ZFAND3: variants seen among roughly 807,000 people sequenced by gnomAD.
The protein encoded by ZFAND3 is AN1-type zinc finger protein 3.
In ZFAND3, 10 loss-of-function variants were observed where a neutral mutation model predicts 29.6. That is an observed-to-expected ratio of 0.34 (90% CI 0.21 to 0.57). The LOEUF is 0.57. Among genes scored for constraint, ZFAND3 ranks in the 20% least tolerant of loss-of-function variants. The pLI, the probability that ZFAND3 is intolerant of heterozygous loss-of-function variation, is 0.86. For missense variants in ZFAND3, 230 were observed against 304.5 expected, an observed-to-expected ratio of 0.76 and a Z score of 1.82; for synonymous variants, 128 against 112.6, an observed-to-expected ratio of 1.14 and a Z score of -0.87.
chr6:37,960,583 T>C (rs948415703), intron 2 of ZFAND3, among the ~76,000 whole-genome samples: 1 of 152,186 alleles, frequency 6.6e-6, no homozygotes, highest in Non-Finnish European at 1.5e-5. Flanking sequence ...CTTAGAATCC[T>C]GTAGCTACCT....
intron 2 of ZFAND3, among the ~76,000 whole-genome samples, chr6:38,005,157 G>T (rs1763027097): frequency 6.6e-6 from 1 of 152,166 alleles, no homozygotes; most frequent in South Asian, 2.1e-4. Context: ...GAGAGTCTCT[G>T]ATAAATTTCT....
chr6:37,984,366 T>A (rs1762629856), intron 2 of ZFAND3, among the ~76,000 whole-genome samples: 1 of 152,198 alleles, frequency 6.6e-6, no homozygotes, highest in East Asian at 1.9e-4. Context: ...TGTCCAGGTT[T>A]CCCGTTGTAC....
intron 4 of ZFAND3, among the ~76,000 whole-genome samples, chr6:38,106,683 G>T (rs1165093685): frequency 6.7e-6 from 1 of 148,170 alleles, no homozygotes; most frequent in Admixed American, 6.7e-5. Flanking sequence ...CTAGTTGTTT[G>T]TGTGTGTGTG....
chr6:38,095,174 A>G lies in ZFAND3; in HGVS notation c.361+12717A>G, dbSNP rs12526732. Among the ~76,000 whole-genome samples, 1,002 of 152,240 alleles carry G rather than the reference A, an allele frequency of 6.6e-3. 49 individuals carry two copies. The highest frequency in any genetic ancestry group is 0.06 in the Admixed American group (920 of 15,294). On this transcript the variant is annotated intron_variant, in intron 4 of 5. Transcript: ENST00000287218. ...ATGCTAAGAATATATTTCTTTTTCT[A>G]TGGGTCTAATGAAAACAGTTAATGG...
intron 2 of ZFAND3, among the ~76,000 whole-genome samples, chr6:37,986,682 G>A (rs1036801047): frequency 5.3e-5 from 8 of 152,120 alleles, no homozygotes; most frequent in African/African-American, 7.2e-5. Flanking sequence ...AGTTCATTTA[G>A]TCTTCTTTCT....
At chr6:37,859,330 T>G (rs1364286704) in intron 1 of ZFAND3, among the ~76,000 whole-genome samples, 1 of 152,226 alleles carries the variant, frequency 6.6e-6, no homozygotes. Context: ...CTGGCACACT[T>G]TTGCTTAAAT....
At position 37,873,486 on chromosome 6, in the gene ZFAND3, A is replaced by G. The variant is rs560295840; in HGVS notation, c.71+53470A>G. On this transcript the variant is annotated intron_variant, in intron 1 of 5. Coordinates refer to ENST00000287218, the MANE Select transcript of ZFAND3 (RefSeq NM_021943.3). ...TTATGCGGTTGTGATTCTTGGATCT[A>G]TCGTTGAGAGTTGTATGAGGTATTT... 2.0e-3 allele frequency among the ~76,000 whole-genome samples: 301 copies of G among 152,306 alleles called. 2 individuals are homozygous for G. The highest frequency in any genetic ancestry group is 6.9e-3 in the African/African-American group (285 of 41,566).
At chr6:38,027,600 CTT>C (rs1177021617) in intron 2 of ZFAND3, among the ~76,000 whole-genome samples, 1 of 152,172 alleles carries the variant, frequency 6.6e-6, no homozygotes. Context: ...ACTTATCTAG[CTT>C]TCAGAAGCTC....
chr6:37,826,464 A>T (rs1763762597), intron 1 of ZFAND3, among the ~76,000 whole-genome samples: 6 of 152,150 alleles, frequency 3.9e-5, no homozygotes, highest in Admixed American at 2.6e-4. Context: ...CTTTATTTAC[A>T]GTGTCTTGGC....
intron 2 of ZFAND3, among the ~76,000 whole-genome samples, chr6:37,984,212 TAGAG>T (rs1295608115): frequency 6.6e-6 from 1 of 152,206 alleles, no homozygotes; most frequent in Non-Finnish European, 1.5e-5. Context: ...AATTGCAAGA[TAGAG>T]CATGAAATTT....
chr6:38,091,108 G>A (rs1490438915), intron 4 of ZFAND3, among the ~76,000 whole-genome samples: 1 of 152,170 alleles, frequency 6.6e-6, no homozygotes, highest in Admixed American at 6.5e-5. Flanking sequence ...CTAGTCAAGA[G>A]GAATTTTTGC....
intron 2 of ZFAND3, among the ~76,000 whole-genome samples, chr6:37,944,260 T>C (rs1761861777): frequency 6.6e-6 from 1 of 152,264 alleles, no homozygotes; most frequent in East Asian, 1.9e-4. Flanking sequence ...AACTAAAACG[T>C]CCAAAAACAC....
intron 1 of ZFAND3, among the ~76,000 whole-genome samples, chr6:37,892,713 G>A (rs981392419): frequency 6.6e-6 from 1 of 152,110 alleles, no homozygotes; most frequent in Non-Finnish European, 1.5e-5. Context: ...CATTTATATA[G>A]ATTGAACAAG....
intron 3 of ZFAND3, among the ~76,000 whole-genome samples, chr6:38,067,045 A>G (rs961734117): frequency 2.6e-5 from 4 of 152,252 alleles, no homozygotes; most frequent in African/African-American, 9.6e-5. Flanking sequence ...TTTAAATGCG[A>G]TAGTAATGGT....
Position 38,082,142 on chromosome 6 carries a change from G to GTTTT in ZFAND3, c.296-239_296-236dup, listed in dbSNP as rs771690113. On this transcript the variant is annotated intron_variant, in intron 3 of 5. Coordinates refer to ENST00000287218, the MANE Select transcript of ZFAND3 (RefSeq NM_021943.3). ...TGTTAACATTATGTGAGACTCGGCT[G>GTTTT]TTTTTTTTTTTTTTGTGTGTGAAAA... is the stretch of plus-strand genomic sequence containing the variant. Among the ~76,000 whole-genome samples the GTTTT allele has an allele frequency of 4.3e-3, 628 of 145,378 alleles. 2 individuals are homozygous for GTTTT. The highest frequency in any genetic ancestry group is 7.0e-3 in the Non-Finnish European group (464 of 65,880).
intron 4 of ZFAND3, among the ~76,000 whole-genome samples, chr6:38,097,303 T>C (rs13212369): frequency 0.074 from 11,130 of 150,650 alleles, 495 homozygotes; most frequent in African/African-American, 0.12. Flanking sequence ...TCCAGGTTGG[T>C]CTTGAACTTT....
At chr6:38,025,637 C>T (rs759068190) in intron 2 of ZFAND3, among the ~76,000 whole-genome samples, 8 of 152,152 alleles carry the variant, frequency 5.3e-5, no homozygotes, top group Non-Finnish European at 7.4e-5. Context: ...CTTGCTTACT[C>T]ATCTTTTGGC....
chr6:38,019,084 C>G (rs147631798), intron 2 of ZFAND3, among the ~76,000 whole-genome samples: 274 of 152,164 alleles, frequency 1.8e-3, no homozygotes, highest in African/African-American at 6.3e-3. Flanking sequence ...CTCAGCCTCC[C>G]AAGTAGCTGA....
intron 4 of ZFAND3, among the ~76,000 whole-genome samples, chr6:38,110,180 G>A (rs1581925889): frequency 1.3e-5 from 2 of 152,128 alleles, no homozygotes; most frequent in Admixed American, 6.5e-5. Flanking sequence ...TTAATAATCA[G>A]CCTCTTGAAC....
Sources: allele counts gnomAD v4.1 joint callset (sites outside exome capture counted in the v4.1 genomes callset), GRCh38; gene constraint gnomAD v4.1.1; transcripts MANE v1.5; gene names NCBI Gene and HGNC (gene_info 2026-07-23, HGNC 2026-07-21).